The following KDM1B variants were observed in gnomAD, a reference collection of about 807,000 sequenced individuals.
The protein encoded by KDM1B is lysine-specific histone demethylase 2.
Under a neutral mutation model 107.4 loss-of-function variants are expected in KDM1B, and 63 were observed. That is an observed-to-expected ratio of 0.59 (90% CI 0.48 to 0.72). The LOEUF (loss-of-function observed/expected upper bound fraction) is 0.72, where lower values mean the gene tolerates loss of function less well. Ranked by LOEUF, KDM1B falls within the 30% of genes least tolerant of loss-of-function variation. The pLI is 0.00. For missense variants in KDM1B, 749 were observed against 1,020.8 expected, an observed-to-expected ratio of 0.73 and a Z score of 3.63; for synonymous variants, 363 against 363.9, an observed-to-expected ratio of 1.00 and a Z score of 0.03.
chr6:18,176,502 G>A (rs1444667212), intron 7 of KDM1B, among the ~76,000 whole-genome samples: 1 of 152,142 alleles, frequency 6.6e-6, no homozygotes, highest in African/African-American at 2.4e-5. Context: ...TTGAAGAGGA[G>A]TGGTGAGATT....
intron 7 of KDM1B, among the ~76,000 whole-genome samples, chr6:18,181,821 G>T (rs1786499389): frequency 6.6e-6 from 1 of 152,166 alleles, no homozygotes; most frequent in South Asian, 2.1e-4. Flanking sequence ...TTCAATTTTA[G>T]TTGATATTGG....
intron 6 of KDM1B, among the ~76,000 whole-genome samples, chr6:18,170,966 G>A (rs1384263235): frequency 2.0e-5 from 3 of 152,060 alleles, no homozygotes; most frequent in Admixed American, 6.6e-5. Context: ...GACTACAGGC[G>A]CCCGCCACCA....
rs1789802988 is a variant in KDM1B, at chr6:18,222,121, TATG to T, written c.*132_*134del. 1.2e-6 allele frequency: 1 copy of T among 840,930 alleles called. No homozygotes were observed. The allele number at this position is 840,930 out of a possible 1,614,324, so 52.1% of individuals were successfully genotyped here. A position where few individuals can be genotyped will look rare whatever the true frequency, so the allele number is the denominator to read the frequency against. On this transcript the variant is annotated 3_prime_UTR_variant, in exon 22 of 22. Coordinates refer to ENST00000650836, the MANE Select transcript of KDM1B (RefSeq NM_001364614.2). ...TAAAACTGAAATGTTTCTAAGGCGA[TATG>T]ATAATGCAAACCTATTTCATCACTC...
intron 7 of KDM1B, among the ~76,000 whole-genome samples, chr6:18,177,813 C>T (rs976485677): frequency 6.6e-6 from 1 of 152,070 alleles, no homozygotes; most frequent in Non-Finnish European, 1.5e-5. Context: ...TGGGACATAG[C>T]CATGCTCATT....
intron 7 of KDM1B, among the ~76,000 whole-genome samples, chr6:18,181,955 A>T (rs900030885): frequency 1.3e-5 from 2 of 152,100 alleles, no homozygotes; most frequent in African/African-American, 2.4e-5. Flanking sequence ...ATTATTTTCT[A>T]TAACTGTATT....
intron 7 of KDM1B, among the ~76,000 whole-genome samples, chr6:18,185,135 T>G (rs906997072): frequency 1.3e-5 from 2 of 152,228 alleles, no homozygotes; most frequent in African/African-American, 4.8e-5. Context: ...ATAACCCAGT[T>G]AGAATTGCTG....
At chr6:18,216,495 C>T (rs2151038571) in intron 20 of KDM1B, among the ~76,000 whole-genome samples, 1 of 152,308 alleles carries the variant, frequency 6.6e-6, no homozygotes, top group East Asian at 1.9e-4. Flanking sequence ...CTTACCGTTT[C>T]TATAGAAATA....
In KDM1B at chr6:18,200,421, G is replaced by A. The variant is rs1307968461; in HGVS notation, c.1222-18G>A. Reference sequence around the variant, plus strand: ...CTCTTGTGTCCTATTTAGCTTCCCTGACTGTCTGTCTTTTTAGGTGACTGT... The same window carrying A: ...CTCTTGTGTCCTATTTAGCTTCCCTAACTGTCTGTCTTTTTAGGTGACTGT... On this transcript the variant is annotated intron_variant, in intron 12 of 21. Coordinates refer to ENST00000650836, the MANE Select transcript of KDM1B (RefSeq NM_001364614.2). This position sits in a 1 kb window ranked among gnomAD's most constrained non-coding sequence, Gnocchi z 4.3. 2 of 1,612,014 alleles carry A rather than the reference G, an allele frequency of 1.2e-6. No homozygotes were observed. The highest frequency in any genetic ancestry group is 2.2e-5 in the South Asian group (2 of 90,734).
chr6:18,179,849 CCTTTTTTTTTTTTTT>C (rs1786321793), intron 7 of KDM1B, among the ~76,000 whole-genome samples: 5 of 96,290 alleles, frequency 5.2e-5, no homozygotes, highest in East Asian at 6.4e-4. Context: ...GGTTTTTTTT[CCTTTTTTTTTTTTTT>C]TTTTTTTTTT....
At chr6:18,174,244 T>C (rs1241534733) in intron 7 of KDM1B, among the ~76,000 whole-genome samples, 1 of 151,796 alleles carries the variant, frequency 6.6e-6, no homozygotes, top group Non-Finnish European at 1.5e-5. Flanking sequence ...TCTTCTAACT[T>C]TTTTTTTGTT....
intron 10 of KDM1B, among the ~76,000 whole-genome samples, chr6:18,196,393 C>T (rs1787654481): frequency 6.6e-6 from 1 of 152,156 alleles, no homozygotes; most frequent in Non-Finnish European, 1.5e-5. Flanking sequence ...TTTTTTGAGA[C>T]ACCTCCGTAC....
intron 9 of KDM1B, among the ~76,000 whole-genome samples, chr6:18,188,453 T>C (rs1325510597): frequency 6.6e-6 from 1 of 152,128 alleles, no homozygotes; most frequent in Non-Finnish European, 1.5e-5. Context: ...AATGATAACA[T>C]GAACTCTGAC....
intron 7 of KDM1B, among the ~76,000 whole-genome samples, chr6:18,184,104 G>A (rs1007764433): frequency 6.6e-6 from 1 of 151,908 alleles, no homozygotes; most frequent in Non-Finnish European, 1.5e-5. Context: ...ACACACACCA[G>A]CCCCTTAGAA....
intron 6 of KDM1B, among the ~76,000 whole-genome samples, chr6:18,168,748 G>A (rs1785477599): frequency 6.6e-6 from 1 of 152,200 alleles, no homozygotes; most frequent in African/African-American, 2.4e-5. Context: ...CCACGGGTTT[G>A]AAGTGGTATC....
At chr6:18,185,631 T>A (rs1786808071) in intron 7 of KDM1B, 141 bp from the exon 8 acceptor site, 1 of 769,824 alleles carries the variant, frequency 1.3e-6, no homozygotes, top group Non-Finnish European at 2.2e-6. Flanking sequence ...CTCCAGACAC[T>A]CTGATTTATA....
rs1008138942 is a variant in KDM1B at position 18,222,721 on chromosome 6, T to C, written c.*729T>C. The stretch of plus-strand genomic sequence containing the variant: ...CACAGATAGTGTGGGCTTCACACTA[T>C]AGACACAGAATATAGCTTTTTCTTA... On this transcript the variant is annotated 3_prime_UTR_variant, in exon 22 of 22. Transcript: ENST00000650836. The C allele has an allele frequency of 2.6e-5, 4 of 153,018 alleles. No individual in the cohort carries two copies. Among genetic ancestry groups the C allele is most frequent in the East Asian group, 3.8e-4 (2 of 5,214 alleles). 9.5% of individuals were successfully genotyped at this position (153,018 alleles called of 1,614,324 possible).
intron 7 of KDM1B, among the ~76,000 whole-genome samples, chr6:18,174,631 G>C (rs180813520): frequency 6.6e-6 from 1 of 150,948 alleles, no homozygotes; most frequent in Non-Finnish European, 1.5e-5. Context: ...TTCCCCCCAA[G>C]TCCCCAAAGT....
chr6:18,210,693 T>C (rs988760777), intron 17 of KDM1B, among the ~76,000 whole-genome samples: 1 of 152,052 alleles, frequency 6.6e-6, no homozygotes, highest in African/African-American at 2.4e-5. Context: ...AGTGCTATTT[T>C]GTCATTAAGA....
At position 18,222,302 on chromosome 6, in the gene KDM1B, C is replaced by G. The variant is rs1435490712; in HGVS notation, c.*310C>G. On this transcript the variant is annotated 3_prime_UTR_variant, in exon 22 of 22. Transcript: ENST00000650836. ...TTTGATTGTTCCATGGCTGGAAGTT[C>G]CCTTTAGATTTCACATTTTATATGG... 2.3e-6 allele frequency: 1 copy of G among 430,030 alleles called. No homozygotes were observed. Among genetic ancestry groups the G allele is most frequent in the East Asian group, 5.4e-5 (1 of 18,410 alleles). The allele number at this position is 430,030 out of a possible 1,614,324, so 26.6% of individuals were successfully genotyped here. A position where few individuals can be genotyped will look rare whatever the true frequency, so the allele number is the denominator to read the frequency against.
Sources: gnomAD v4.1 joint callset for allele counts (sites outside exome capture counted in the v4.1 genomes callset) on GRCh38, gnomAD v4.1.1 for gene constraint, Gnocchi (gnomAD v3.1) non-coding constraint, MANE v1.5 for transcripts, NCBI Gene and HGNC (gene_info 2026-07-23, HGNC 2026-07-21) for gene names.